The following WIPF3 variants were observed in gnomAD, a reference collection of about 807,000 sequenced individuals.
WIPF3 encodes WAS/WASL-interacting protein family member 3.
WIPF3 carries 33 observed loss-of-function variants against 38.9 expected under a neutral mutation model. The observed-to-expected ratio is 0.85, with a 90% CI of 0.64 to 1.14. WIPF3 has a LOEUF of 1.14. Ranked by LOEUF, WIPF3 falls within the 50% of genes most tolerant of loss-of-function variation. The pLI is 0.00. For synonymous variants in WIPF3, 324 were observed against 269.3 expected, an observed-to-expected ratio of 1.20 and a Z score of -1.99; for missense variants, 711 against 652.5, an observed-to-expected ratio of 1.09 and a Z score of -0.98.
chr7:29,892,318 C>G (rs1786039602), intron 7 of WIPF3, among the ~76,000 whole-genome samples: 1 of 152,224 alleles, frequency 6.6e-6, no homozygotes, highest in Non-Finnish European at 1.5e-5. Flanking sequence ...GCAGCTGGAT[C>G]TCATAGTGGG....
intron 1 of WIPF3, among the ~76,000 whole-genome samples, chr7:29,828,939 A>T (rs1458979995): frequency 2.0e-5 from 3 of 152,214 alleles, no homozygotes; most frequent in Admixed American, 2.0e-4. Flanking sequence ...GCTGAGTGTC[A>T]TTGAAGAGCC....
intron 5 of WIPF3, among the ~76,000 whole-genome samples, chr7:29,887,363 C>T (rs1434464244): frequency 1.3e-5 from 2 of 152,200 alleles, no homozygotes; most frequent in Non-Finnish European, 2.9e-5. Context: ...AAATAAGCAG[C>T]AGTGGAACCC....
intron 8 of WIPF3, chr7:29,905,555 C>T (rs570951027): frequency 6.6e-6 from 1 of 152,434 alleles, no homozygotes; most frequent in South Asian, 2.1e-4. Flanking sequence ...CTCCACCCCC[C>T]ACCCCATGGC....
chr7:29,840,952 G>C (rs1013918237), intron 2 of WIPF3, among the ~76,000 whole-genome samples: 1 of 152,156 alleles, frequency 6.6e-6, no homozygotes, highest in Admixed American at 6.5e-5. Context: ...GGATATCAAG[G>C]GTGATCAGAT....
Position 29,884,092 on chromosome 7 carries a change from CT to C in WIPF3, c.600del (p.Val201CysfsTer7). The C allele has an allele frequency of 6.6e-7, 1 of 1,506,582 alleles. No individual in the cohort carries two copies. The highest frequency in any genetic ancestry group is 8.9e-7 in the Non-Finnish European group (1 of 1,124,808). The allele number at this position is 1,506,582 out of a possible 1,614,324, so 93.3% of individuals were successfully genotyped here. A position where few individuals can be genotyped will look rare whatever the true frequency, so the allele number is the denominator to read the frequency against. The part of the protein sequence containing the change: ...LPSSSPIKTP[L>X]VSPPGPLTKG... ...CTCTTCCTCCCCCATCAAAACTCCG[CT>C]TGTGTCCCCACCCGGCCCACTGACC... On this transcript the variant is annotated frameshift_variant, in exon 5 of 9. Coordinates refer to ENST00000242140, the MANE Select transcript of WIPF3 (RefSeq NM_001080529.3). LOFTEE classifies it high-confidence loss of function.
In WIPF3 at chr7:29,810,792, A is replaced by G. The variant is rs1784360861; in HGVS notation, c.-58+4114A>G. Among the ~76,000 whole-genome samples, 4 of 152,254 alleles carry G rather than the reference A, an allele frequency of 2.6e-5. No homozygotes were observed. In the South Asian group the frequency reaches 6.2e-4, roughly 24 times the overall value. On this transcript the variant is annotated intron_variant, in intron 1 of 8. Coordinates refer to ENST00000242140, the MANE Select transcript of WIPF3 (RefSeq NM_001080529.3). ...TCATTTATTTGCTGTATGATCTTGG[A>G]CAAATTACTTAACCTCTCTGTGTTT...
At chr7:29,838,688 A>G (rs978870753) in intron 2 of WIPF3, among the ~76,000 whole-genome samples, 2 of 152,176 alleles carry the variant, frequency 1.3e-5, no homozygotes, top group African/African-American at 4.8e-5. Context: ...GTTTGACAGC[A>G]CCTACCACAG....
intron 1 of WIPF3, among the ~76,000 whole-genome samples, chr7:29,808,028 A>C (rs1784311169): frequency 6.6e-6 from 1 of 152,150 alleles, no homozygotes; most frequent in Admixed American, 6.5e-5. Context: ...CAAGGAGATA[A>C]ACTCCAGGTC....
rs1785650633 is a variant in WIPF3 at position 29,878,464 on chromosome 7, G to A, written c.224-545G>A. 6.6e-6 allele frequency among the ~76,000 whole-genome samples: 1 copy of A among 152,174 alleles called. No individual in the cohort carries two copies. Among genetic ancestry groups the A allele is most frequent in the Non-Finnish European group, 1.5e-5 (1 of 68,024 alleles). On this transcript the variant is annotated intron_variant, in intron 3 of 8. Transcript: ENST00000242140. This position sits in a 1 kb window ranked among gnomAD's most constrained non-coding sequence, Gnocchi z 4.0. ...TCCATAGATGAAAAGGTGCAGGGAG[G>A]TGCGAGGGGCTGGGGGCTTGAGGGC...
At chr7:29,808,627 G>A (rs933280349) in intron 1 of WIPF3, among the ~76,000 whole-genome samples, 1 of 152,000 alleles carries the variant, frequency 6.6e-6, no homozygotes, top group East Asian at 1.9e-4. Flanking sequence ...CTGTTTTCAC[G>A]TAATTGTGAG....
chr7:29,848,506 T>C (rs1011475911), intron 2 of WIPF3, among the ~76,000 whole-genome samples: 1 of 152,194 alleles, frequency 6.6e-6, no homozygotes, highest in Non-Finnish European at 1.5e-5. Flanking sequence ...TCTTTAGGCC[T>C]TGTGGCAGCT....
chr7:29,844,096 A>G lies in WIPF3; in HGVS notation c.90+9282A>G, dbSNP rs1388456010. 6.6e-6 allele frequency among the ~76,000 whole-genome samples: 1 copy of G among 152,174 alleles called. No homozygotes were observed. The highest frequency in any genetic ancestry group is 1.5e-5 in the Non-Finnish European group (1 of 68,028). The stretch of plus-strand genomic sequence containing the variant: ...GATACATGTAGACAGTGTAGTCCCA[A>G]TTACGTAAAAGAAAACTGTGTGTGC... On this transcript the variant is annotated intron_variant, in intron 2 of 8. Transcript: ENST00000242140. This position sits in a 1 kb window ranked among gnomAD's most constrained non-coding sequence, Gnocchi z 4.8.
chr7:29,914,536 G>A lies in WIPF3; in HGVS notation c.*20G>A. ...CGGTGAGAAGACAGATGAAGCGAAG[G>A]TCCTGGGGTTCCAGGTTGCAGAACA... On this transcript the variant is annotated 3_prime_UTR_variant, in exon 9 of 9. Coordinates refer to ENST00000242140, the MANE Select transcript of WIPF3 (RefSeq NM_001080529.3). 6.6e-7 allele frequency: 1 copy of A among 1,505,754 alleles called. No individual in the cohort carries two copies. The highest frequency in any genetic ancestry group is 1.3e-5 in the South Asian group (1 of 75,246). The allele number at this position is 1,505,754 out of a possible 1,614,324, so 93.3% of individuals were successfully genotyped here.
At chr7:29,848,735 T>G (rs928149356) in intron 2 of WIPF3, among the ~76,000 whole-genome samples, 6 of 152,152 alleles carry the variant, frequency 3.9e-5, no homozygotes, top group Non-Finnish European at 7.3e-5. Context: ...TATTTGTGGG[T>G]GATTTCGTAC....
chr7:29,895,356 T>C (rs1786118492), intron 7 of WIPF3, among the ~76,000 whole-genome samples: 1 of 152,198 alleles, frequency 6.6e-6, no homozygotes, highest in East Asian at 1.9e-4. Flanking sequence ...TTAAAACTAG[T>C]GTTCAAACAA....
chr7:29,832,337 A>C (rs1420184234), intron 1 of WIPF3, among the ~76,000 whole-genome samples: 3 of 150,068 alleles, frequency 2.0e-5, no homozygotes, highest in African/African-American at 5.0e-5. Flanking sequence ...CCTGCATCCA[A>C]GTTGCCTTAG....
intron 1 of WIPF3, among the ~76,000 whole-genome samples, chr7:29,832,753 T>C (rs1459196401): frequency 6.6e-6 from 1 of 152,212 alleles, no homozygotes; most frequent in East Asian, 1.9e-4. Flanking sequence ...CCATTTTCAA[T>C]TTTTGTACAA....
At chr7:29,891,136 A>T (rs1418340088) in intron 7 of WIPF3, among the ~76,000 whole-genome samples, 1 of 40,754 alleles carries the variant, frequency 2.5e-5, no homozygotes, top group Non-Finnish European at 5.1e-5. Context: ...GCTCAGGTGG[A>T]GGGGGCGCGG....
At chr7:29,847,606 A>G (rs1028552422) in intron 2 of WIPF3, among the ~76,000 whole-genome samples, 1 of 151,926 alleles carries the variant, frequency 6.6e-6, no homozygotes, top group African/African-American at 2.4e-5. Context: ...TAGACTGAAC[A>G]GGGGAAACCC....
Sources: allele counts gnomAD v4.1 joint callset (sites outside exome capture counted in the v4.1 genomes callset), GRCh38; gene constraint gnomAD v4.1.1; non-coding constraint Gnocchi (gnomAD v3.1); transcripts MANE v1.5; gene names NCBI Gene and HGNC (gene_info 2026-07-23, HGNC 2026-07-21).